VPS13C: variants seen among roughly 807,000 people sequenced by gnomAD.
The protein encoded by VPS13C is intermembrane lipid transfer protein VPS13C.
Under a neutral mutation model 456.8 loss-of-function variants are expected in VPS13C, and 358 were observed. The ratio of observed to expected loss-of-function variants is 0.78; its 90% confidence interval spans 0.72 to 0.86. The LOEUF is 0.86. VPS13C is among the 40% of genes least tolerant of loss of function. The probability of loss-of-function intolerance (pLI) is 0.00; values close to 1 mark genes in which losing one functional copy is unlikely to be tolerated. For synonymous variants in VPS13C, 1,578 were observed against 1,486.7 expected (o/e 1.06, Z -1.41); for missense variants, 4,818 against 4,385.4 (o/e 1.10, Z -2.79).
intron 82 of VPS13C, among the ~76,000 whole-genome samples, chr15:61,859,381 G>T (rs1441191938): frequency 6.6e-6 from 1 of 152,026 alleles, no homozygotes; most frequent in Admixed American, 6.6e-5. Context: ...TAAAATAGCA[G>T]ACTATACCTT....
At chr15:61,891,832 C>G (rs1156878083) in intron 66 of VPS13C, among the ~76,000 whole-genome samples, 1 of 151,978 alleles carries the variant, frequency 6.6e-6, no homozygotes, top group Non-Finnish European at 1.5e-5. Context: ...CACAGAAAAC[C>G]AAACATAAAC....
chr15:61,893,209 A>G (rs1325553672), intron 66 of VPS13C, among the ~76,000 whole-genome samples: 3 of 152,178 alleles, frequency 2.0e-5, no homozygotes, highest in African/African-American at 7.2e-5. Flanking sequence ...GCCTATGACA[A>G]AGAGAGGACC....
At position 61,863,502 on chromosome 15, in the gene VPS13C, C is replaced by T; in HGVS notation, c.10890G>A (p.Glu3630=). The change falls in exon 82 of 85, where the codon GAG becomes GAA. Residue 3630 remains glutamate, a synonymous_variant. Transcript: ENST00000644861. The stretch of plus-strand genomic sequence containing the variant: ...GAATAGCACAGTGGTATCGGTAAGT[C>T]TCTCCTTCCAACTTTTTGATATGAT... ...LENHIKKLEG[E]TYRYHCAIPG... is the part of the protein sequence containing the mutation. The T allele has an allele frequency of 6.2e-7, 1 of 1,612,742 alleles. No homozygotes were observed. The highest frequency in any genetic ancestry group is 8.5e-7 in the Non-Finnish European group (1 of 1,179,174).
intron 66 of VPS13C, 35 bp from the exon 67 acceptor site, chr15:61,890,435 T>C (rs745875284): frequency 7.1e-6 from 11 of 1,553,182 alleles, no homozygotes; most frequent in African/African-American, 1.4e-5. Context: ...AACCCACACA[T>C]AGTAACTTGT....
intron 3 of VPS13C, among the ~76,000 whole-genome samples, chr15:62,040,014 G>GTAC (rs2048188104): frequency 6.6e-6 from 1 of 152,050 alleles, no homozygotes; most frequent in Non-Finnish European, 1.5e-5. Flanking sequence ...ACACAATGGA[G>GTAC]TACTATTCAG....
chr15:62,001,907 C>A (rs1222260101), intron 15 of VPS13C, among the ~76,000 whole-genome samples: 2 of 152,180 alleles, frequency 1.3e-5, no homozygotes, highest in Non-Finnish European at 2.9e-5. Flanking sequence ...TTTTCTTAAT[C>A]TAGTCTATCA....
intron 14 of VPS13C, among the ~76,000 whole-genome samples, chr15:62,007,817 A>G (rs753199142): frequency 2.6e-5 from 4 of 152,182 alleles, no homozygotes; most frequent in Non-Finnish European, 4.4e-5. Flanking sequence ...TGTTAAGTTA[A>G]GAATTTGGGA....
Position 61,854,235 on chromosome 15 carries a change from T to G in VPS13C, c.*222A>C, listed in dbSNP as rs1220535845. 3.5e-6 allele frequency: 2 copies of G among 571,412 alleles called. No homozygotes were observed. Among genetic ancestry groups the G allele is most frequent in the African/African-American group, 1.9e-5 (1 of 53,308 alleles). The allele number at this position is 571,412 out of a possible 1,614,324, so 35.4% of individuals were successfully genotyped here. On this transcript the variant is annotated 3_prime_UTR_variant, in exon 85 of 85. Transcript: ENST00000644861. ...GACGTTTCTTCAAGGGTCTGACCCATTTGGGTGGTGGCGTAGAAGTGGACT... is the reference window on the plus strand; with the variant it reads ...GACGTTTCTTCAAGGGTCTGACCCAGTTGGGTGGTGGCGTAGAAGTGGACT...
rs562473843 is a variant in VPS13C, at chr15:61,901,417, A to G, written c.9105+5847T>C. 2.8e-3 allele frequency among the ~76,000 whole-genome samples: 432 copies of G among 152,196 alleles called. 6 individuals carry two copies. The highest frequency in any genetic ancestry group is 1.0e-2 in the African/African-American group (414 of 41,550). On this transcript the variant is annotated intron_variant, in intron 66 of 84. Transcript: ENST00000644861. Reference sequence around the variant, plus strand: ...ATGAACTCAAACAAATTTACAAGAAAAAAAACAAACAACCCCATCAAAAAG... The same window carrying G: ...ATGAACTCAAACAAATTTACAAGAAGAAAAACAAACAACCCCATCAAAAAG...
intron 6 of VPS13C, among the ~76,000 whole-genome samples, chr15:62,026,452 C>G (rs1202548831): frequency 6.6e-6 from 1 of 152,084 alleles, no homozygotes; most frequent in African/African-American, 2.4e-5. Context: ...AGCTGTCGAT[C>G]TCAAGTTGGC....
chr15:61,925,349 A>T (rs2043813349), intron 53 of VPS13C, 107 bp downstream of exon 53: 2 of 536,490 alleles, frequency 3.7e-6, no homozygotes, highest in Admixed American at 4.0e-5. Flanking sequence ...TGACTAGCAT[A>T]ATGCTTGAGT....
intron 65 of VPS13C, 69 bp downstream of exon 65, chr15:61,908,923 A>G: frequency 6.4e-7 from 1 of 1,554,082 alleles, no homozygotes; most frequent in Non-Finnish European, 8.7e-7. Context: ...TGAATATGAA[A>G]CCAAAGTGTT....
In VPS13C at chr15:61,863,763, T is replaced by C. The variant is rs146088090; in HGVS notation, c.10864-235A>G. On this transcript the variant is annotated intron_variant, in intron 81 of 84. Transcript: ENST00000644861. ...AATAAATGCTTACCAAGTGGTCTTC[T>C]GGTAAAATACATTTTGTTCTGTAGT... The C allele has an allele frequency of 3.5e-3, 1,212 of 346,802 alleles. 13 individuals carry two copies. The highest frequency in any genetic ancestry group is 0.024 in the African/African-American group (1,128 of 46,926). 21.5% of individuals were successfully genotyped at this position (346,802 alleles called of 1,614,324 possible).
intron 8 of VPS13C, among the ~76,000 whole-genome samples, chr15:62,021,327 G>C (rs1008237953): frequency 8.6e-5 from 13 of 151,960 alleles, no homozygotes; most frequent in South Asian, 4.2e-4. Flanking sequence ...TTGGAAATAT[G>C]AACTATCTCT....
chr15:62,058,454 C>T (rs1051664258), intron 1 of VPS13C, among the ~76,000 whole-genome samples: 7 of 151,064 alleles, frequency 4.6e-5, no homozygotes, highest in African/African-American at 1.5e-4. Context: ...AAAAATATTT[C>T]GGGGGGAAAA....
intron 59 of VPS13C, 126 bp from the exon 60 acceptor site, chr15:61,917,761 T>G: frequency 9.1e-7 from 1 of 1,098,146 alleles, no homozygotes; most frequent in South Asian, 1.9e-5. Context: ...GATATACAGA[T>G]GAGGAAACCA....
intron 52 of VPS13C, among the ~76,000 whole-genome samples, chr15:61,926,175 G>A (rs79650274): frequency 0.054 from 8,161 of 152,208 alleles, 278 homozygotes; most frequent in Non-Finnish European, 0.084. Context: ...AAAGTAGGGG[G>A]AATGCTTGAG....
At chr15:61,869,378 C>T (rs1286171121) in intron 80 of VPS13C, 122 bp downstream of exon 80, 4 of 1,126,158 alleles carry the variant, frequency 3.6e-6, no homozygotes, top group Non-Finnish European at 4.9e-6. Flanking sequence ...TTTAAAGCTA[C>T]CACAGCTTTC....
intron 52 of VPS13C, among the ~76,000 whole-genome samples, chr15:61,926,209 C>T (rs1444180821): frequency 1.3e-5 from 2 of 152,036 alleles, no homozygotes; most frequent in African/African-American, 2.4e-5. Flanking sequence ...GACCAGCCTG[C>T]ACAATATAGC....
Sources: allele counts gnomAD v4.1 joint callset (sites outside exome capture counted in the v4.1 genomes callset), GRCh38; gene constraint gnomAD v4.1.1; transcripts MANE v1.5; gene names NCBI Gene and HGNC (gene_info 2026-07-23, HGNC 2026-07-21).